Variants in MALRD1 observed in about 807,000 individuals in gnomAD.
The protein encoded by MALRD1 is MAM and LDL receptor class A domain containing 1.
MALRD1 carries 247 observed loss-of-function variants against 242.1 expected under a neutral mutation model. The observed-to-expected ratio is 1.02, with a 90% CI of 0.92 to 1.13. The LOEUF (loss-of-function observed/expected upper bound fraction) is 1.13. Ranked by LOEUF, MALRD1 falls within the 50% of genes most tolerant of loss-of-function variation. The pLI, the probability that MALRD1 is intolerant of heterozygous loss-of-function variation, is 0.00. For missense variants in MALRD1, 2,989 were observed against 2,533.1 expected, an observed-to-expected ratio of 1.18 and a Z score of -3.86; for synonymous variants, 995 against 866.6, an observed-to-expected ratio of 1.15 and a Z score of -2.60.
intron 14 of MALRD1, among the ~76,000 whole-genome samples, chr10:19,201,830 T>C (rs1385578313): frequency 6.6e-6 from 1 of 152,132 alleles, no homozygotes; most frequent in Non-Finnish European, 1.5e-5. Context: ...TAAATCTTTT[T>C]TTTGAGACAG....
Position 19,331,525 on chromosome 10 carries a change from C to T in MALRD1, c.3844C>T (p.Leu1282=), listed in dbSNP as rs1454005631. The change falls in exon 24 of 40, where the codon CTG becomes TTG. Residue 1282 remains leucine, a synonymous_variant. Coordinates refer to ENST00000454679, the MANE Select transcript of MALRD1 (RefSeq NM_001142308.3). ...ANKHCIAKDK[L]CDFVNDCADN... is the part of the protein sequence containing the mutation. ...TAAGCACTGCATTGCCAAAGACAAG[C>T]TGTGTGATTTTGTGAATGATTGTGC... The T allele has an allele frequency of 6.5e-7, 1 of 1,550,314 alleles. No homozygotes were observed. The highest frequency in any genetic ancestry group is 1.2e-5 in the South Asian group (1 of 84,054).
At chr10:19,582,137 A>T (rs1397618041) in intron 33 of MALRD1, among the ~76,000 whole-genome samples, 2 of 151,778 alleles carry the variant, frequency 1.3e-5, no homozygotes, top group Non-Finnish European at 2.9e-5. Flanking sequence ...TTGTCAGATG[A>T]GTAGGTTGCA....
Position 19,482,606 on chromosome 10 carries a change from T to C in MALRD1, c.5030-8911T>C, listed in dbSNP as rs1397723767. On this transcript the variant is annotated intron_variant, in intron 29 of 39. Coordinates refer to ENST00000454679, the MANE Select transcript of MALRD1 (RefSeq NM_001142308.3). ...GTAGCATTTCTATACACTAATAAGG[T>C]TCAAGCTGAGACCTAAGTAAAGAGC... Among the ~76,000 whole-genome samples the C allele has an allele frequency of 2.0e-5, 3 of 148,468 alleles. No homozygotes were observed. The Admixed American group carries it at 2.0e-4, about 10-fold the overall frequency.
At chr10:19,071,633 G>T (rs865869024) in intron 2 of MALRD1, among the ~76,000 whole-genome samples, 1 of 152,070 alleles carries the variant, frequency 6.6e-6, no homozygotes, top group Non-Finnish European at 1.5e-5. Flanking sequence ...TCCCAGCTGA[G>T]TGAACACCAG....
At chr10:19,652,424 G>C (rs544901976) in intron 36 of MALRD1, among the ~76,000 whole-genome samples, 1 of 152,176 alleles carries the variant, frequency 6.6e-6, no homozygotes, top group Admixed American at 6.5e-5. Flanking sequence ...AGGCATGGAA[G>C]GTGAAATTTC....
chr10:19,141,366 C>T (rs1325784762), intron 10 of MALRD1, among the ~76,000 whole-genome samples: 1 of 151,860 alleles, frequency 6.6e-6, no homozygotes, highest in Non-Finnish European at 1.5e-5. Flanking sequence ...AACGGTGGTT[C>T]CCAGGGTTTG....
intron 1 of MALRD1, among the ~76,000 whole-genome samples, chr10:19,052,394 TAATA>T (rs1303305449): frequency 6.6e-6 from 1 of 152,204 alleles, no homozygotes; most frequent in Non-Finnish European, 1.5e-5. Context: ...AGTTGTGCTA[TAATA>T]AATCATCCTG....
At chr10:19,729,147 G>A (rs1835172033) in intron 38 of MALRD1, among the ~76,000 whole-genome samples, 1 of 152,178 alleles carries the variant, frequency 6.6e-6, no homozygotes, top group Non-Finnish European at 1.5e-5. Flanking sequence ...TGAATCCACA[G>A]GGACAATGTA....
chr10:19,498,624 T>C lies in MALRD1; in HGVS notation c.5298T>C (p.Ile1766=). 3.2e-6 allele frequency: 5 copies of C among 1,549,738 alleles called. No homozygotes were observed. The highest frequency in any genetic ancestry group is 3.5e-6 in the Non-Finnish European group (4 of 1,146,700). ...GCAGAATTCCTGCCAAAGCATTAATTCCAGACTCTGATCACACGCCAGGTA... is the reference window on the plus strand; with the variant it reads ...GCAGAATTCCTGCCAAAGCATTAATCCCAGACTCTGATCACACGCCAGGTA... ...IGSRIPAKAL[I]PDSDHTPGSG... Residue 1766 remains isoleucine, a synonymous_variant, in exon 31 of 40, where the codon ATT becomes ATC. Coordinates refer to ENST00000454679, the MANE Select transcript of MALRD1 (RefSeq NM_001142308.3).
intron 36 of MALRD1, among the ~76,000 whole-genome samples, chr10:19,628,692 C>T (rs117749396): frequency 1.5e-4 from 23 of 152,012 alleles, no homozygotes; most frequent in Non-Finnish European, 3.1e-4. Context: ...TTTTATTTTA[C>T]CAGGTACTGC....
chr10:19,163,503 G>A (rs967059364), intron 12 of MALRD1, among the ~76,000 whole-genome samples: 4 of 151,506 alleles, frequency 2.6e-5, no homozygotes, highest in Admixed American at 2.6e-4. Flanking sequence ...GTCTACTTTA[G>A]GGGGGAGGGT....
chr10:19,359,889 A>G (rs1350327407), intron 26 of MALRD1, among the ~76,000 whole-genome samples: 6 of 152,132 alleles, frequency 3.9e-5, no homozygotes, highest in African/African-American at 1.2e-4. Context: ...AGCTCATCAC[A>G]CGGATAGACA....
intron 31 of MALRD1, among the ~76,000 whole-genome samples, chr10:19,529,642 G>A (rs1834259742): frequency 6.9e-6 from 1 of 145,080 alleles, no homozygotes; most frequent in Non-Finnish European, 1.5e-5. Context: ...CCAACTATAT[G>A]AATAATTAAG....
intron 38 of MALRD1, 72 bp downstream of exon 38, chr10:19,692,626 A>AT (rs1299387137): frequency 8.9e-6 from 11 of 1,234,772 alleles, no homozygotes; most frequent in Middle Eastern, 1.9e-4. Context: ...TTCCTTTGCT[A>AT]TTTTTTTCTT....
intron 33 of MALRD1, among the ~76,000 whole-genome samples, chr10:19,578,699 TG>T (rs111342898): frequency 1.1e-4 from 16 of 145,772 alleles, no homozygotes; most frequent in South Asian, 4.2e-4. Context: ...AGCTCATGGC[TG>T]GGTTTTTTTT....
At position 19,165,721 on chromosome 10, in the gene MALRD1, G is replaced by T. The variant is rs2131506002; in HGVS notation, c.1741G>T (p.Gly581Cys). Residue 581 changes from glycine to cysteine, a missense_variant, in exon 13 of 40, where the codon GGC becomes TGC. Transcript: ENST00000454679. ...TCTAGATGGAAACTTGCAAAAGCAGGGCAAAATAATCAGATTCTCCGAATC... is the reference window on the plus strand; with the variant it reads ...TCTAGATGGAAACTTGCAAAAGCAGTGCAAAATAATCAGATTCTCCGAATC... The part of the protein sequence containing the change: ...TSLDGNLQKQ[G>C]KIIRFSESQW... 1.6e-6 allele frequency: 2 copies of T among 1,231,522 alleles called. No individual in the cohort carries two copies. The highest frequency in any genetic ancestry group is 2.0e-6 in the Non-Finnish European group (2 of 987,930). The allele number at this position is 1,231,522 out of a possible 1,614,324, so 76.3% of individuals were successfully genotyped here.
At chr10:19,733,230 G>A (rs991528904) in intron 39 of MALRD1, among the ~76,000 whole-genome samples, 2 of 152,270 alleles carry the variant, frequency 1.3e-5, no homozygotes, top group East Asian at 3.9e-4. Context: ...TTCATTGTAA[G>A]CAACTGCCAC....
chr10:19,180,608 A>G (rs1835462869), intron 14 of MALRD1, among the ~76,000 whole-genome samples: 1 of 152,224 alleles, frequency 6.6e-6, no homozygotes, highest in Admixed American at 6.5e-5. Context: ...ACCTGAAATC[A>G]TTAAACTCCT....
chr10:19,395,325 T>G (rs1453621171), intron 28 of MALRD1, among the ~76,000 whole-genome samples: 1 of 152,166 alleles, frequency 6.6e-6, no homozygotes, highest in East Asian at 1.9e-4. Flanking sequence ...TTATACATTT[T>G]TAGGTAGACA....
Sources: allele counts gnomAD v4.1 joint callset (sites outside exome capture counted in the v4.1 genomes callset), GRCh38; gene constraint gnomAD v4.1.1; transcripts MANE v1.5; gene names NCBI Gene and HGNC (gene_info 2026-07-23, HGNC 2026-07-21).